RBFOX1: variants seen among roughly 807,000 people sequenced by gnomAD.
RBFOX1 encodes the protein RNA binding fox-1 homolog 1.
In RBFOX1, 8 loss-of-function variants were observed where a neutral mutation model predicts 57.7. That is an observed-to-expected ratio of 0.14 (90% confidence interval 0.08 to 0.25). RBFOX1 has a LOEUF of 0.25. RBFOX1 is among the 10% of genes least tolerant of loss of function. The pLI, the probability that RBFOX1 is intolerant of heterozygous loss-of-function variation, is 1.00. For synonymous variants in RBFOX1, 326 were observed against 222.4 expected (o/e 1.47, Z -4.15); for missense variants, 611 against 548.5 (o/e 1.11, Z -1.14).
Position 6,541,077 on chromosome 16 carries a change from C to G in RBFOX1, c.-63-113526C>G, listed in dbSNP as rs189135951. ...TGCTACTTTTAGAGATGGAAAAGCT[C>G]TAAGATATTTCCAAGTAAAAGAAAC... On this transcript the variant is annotated intron_variant, in intron 2 of 15. Coordinates refer to ENST00000550418, the MANE Select transcript of RBFOX1 (RefSeq NM_018723.4). Among the ~76,000 whole-genome samples the G allele has an allele frequency of 1.4e-3, 206 of 152,234 alleles. 2 individuals are homozygous for G. Among genetic ancestry groups the G allele is most frequent in the Admixed American group, 0.013 (204 of 15,286 alleles).
chr16:5,319,050 C>A (rs950690919), intron 1 of RBFOX1, among the ~76,000 whole-genome samples: 1 of 152,190 alleles, frequency 6.6e-6, no homozygotes, highest in Non-Finnish European at 1.5e-5. Flanking sequence ...TTGCTTGAAC[C>A]TGGCAGGTGG....
intron 4 of RBFOX1, among the ~76,000 whole-genome samples, chr16:7,359,615 C>T (rs73549018): frequency 0.035 from 5,312 of 152,246 alleles, 206 homozygotes; most frequent in African/African-American, 0.095. Context: ...GTTTGCTTCC[C>T]CTGTCCACAA....
At chr16:6,736,790 G>A (rs1234256467) in intron 3 of RBFOX1, among the ~76,000 whole-genome samples, 1 of 152,182 alleles carries the variant, frequency 6.6e-6, no homozygotes, top group African/African-American at 2.4e-5. Context: ...TGGTGGTTCT[G>A]ACCATGTATG....
intron 4 of RBFOX1, among the ~76,000 whole-genome samples, chr16:5,874,883 C>T (rs1460910679): frequency 6.6e-6 from 1 of 152,120 alleles, no homozygotes; most frequent in African/African-American, 2.4e-5. Flanking sequence ...GAGTTTGAGG[C>T]TGCAGTGAGC....
At chr16:6,134,262 AC>A (rs1415692481) in intron 1 of RBFOX1, among the ~76,000 whole-genome samples, 1 of 151,924 alleles carries the variant, frequency 6.6e-6, no homozygotes, top group Non-Finnish European at 1.5e-5. Flanking sequence ...AGTATTCAGC[AC>A]CCCTTGTTTG....
intron 1 of RBFOX1, among the ~76,000 whole-genome samples, chr16:5,431,842 C>G (rs1344198051): frequency 6.6e-6 from 1 of 152,154 alleles, no homozygotes; most frequent in African/African-American, 2.4e-5. Flanking sequence ...CCCTAACATC[C>G]AAAATCGTCC....
intron 4 of RBFOX1, among the ~76,000 whole-genome samples, chr16:7,094,818 G>A (rs547644303): frequency 2.1e-5 from 3 of 143,448 alleles, no homozygotes; most frequent in Non-Finnish European, 4.6e-5. Context: ...TGAGACAGAG[G>A]GTAAGAGAAT....
chr16:7,692,899 GATATT>G (rs1352697078), intron 14 of RBFOX1, among the ~76,000 whole-genome samples: 5 of 138,276 alleles, frequency 3.6e-5, no homozygotes, highest in Non-Finnish European at 6.4e-5. Flanking sequence ...ATTTTTTTTT[GATATT>G]ATAAGTCTAG....
chr16:6,912,858 G>A (rs1174063829), intron 3 of RBFOX1, among the ~76,000 whole-genome samples: 5 of 151,926 alleles, frequency 3.3e-5, no homozygotes, highest in African/African-American at 9.7e-5. Context: ...GAGCTCAAGT[G>A]ATCCTCTTGC....
chr16:7,690,517 A>G (rs1455804604), intron 14 of RBFOX1, among the ~76,000 whole-genome samples: 1 of 152,088 alleles, frequency 6.6e-6, no homozygotes, highest in Non-Finnish European at 1.5e-5. Context: ...TTTGTGGAAA[A>G]TCAGGTGCAT....
At chr16:6,962,739 G>A (rs1351128007) in intron 3 of RBFOX1, among the ~76,000 whole-genome samples, 2 of 152,092 alleles carry the variant, frequency 1.3e-5, no homozygotes, top group Admixed American at 1.3e-4. Flanking sequence ...TAGCATGTGT[G>A]TGTAGCCCCA....
At chr16:7,123,662 G>A (rs1203702642) in intron 4 of RBFOX1, among the ~76,000 whole-genome samples, 1 of 152,032 alleles carries the variant, frequency 6.6e-6, no homozygotes, top group Non-Finnish European at 1.5e-5. Flanking sequence ...ACCCCACCTG[G>A]CAAAAATTAT....
intron 3 of RBFOX1, among the ~76,000 whole-genome samples, chr16:6,848,936 C>G (rs964888079): frequency 2.0e-5 from 3 of 152,136 alleles, no homozygotes; most frequent in African/African-American, 4.8e-5. Context: ...ATGTCTCACC[C>G]TGGGTAATTC....
intron 2 of RBFOX1, among the ~76,000 whole-genome samples, chr16:6,388,331 A>G (rs1222426454): frequency 6.6e-6 from 1 of 152,058 alleles, no homozygotes; most frequent in Non-Finnish European, 1.5e-5. Flanking sequence ...GTTTGCAGCC[A>G]TTTTGGCACC....
chr16:5,478,555 C>G (rs1030198319), intron 2 of RBFOX1, among the ~76,000 whole-genome samples: 1 of 152,118 alleles, frequency 6.6e-6, no homozygotes, highest in Non-Finnish European at 1.5e-5. Flanking sequence ...TTCTCATTGG[C>G]CTTATGAATG....
intron 3 of RBFOX1, among the ~76,000 whole-genome samples, chr16:6,808,081 A>T (rs976402577): frequency 6.6e-6 from 1 of 150,670 alleles, no homozygotes; most frequent in Admixed American, 6.7e-5. Flanking sequence ...ATATATAATC[A>T]TACTCAATAG....
At chr16:6,330,185 G>A (rs2082845664) in intron 2 of RBFOX1, among the ~76,000 whole-genome samples, 1 of 152,066 alleles carries the variant, frequency 6.6e-6, no homozygotes, top group African/African-American at 2.4e-5. Flanking sequence ...ATAAGGATAG[G>A]GAAGTAAAGG....
intron 1 of RBFOX1, among the ~76,000 whole-genome samples, chr16:6,086,286 G>T (rs1010030978): frequency 6.6e-6 from 1 of 152,178 alleles, no homozygotes; most frequent in African/African-American, 2.4e-5. Context: ...TCATTTGCAT[G>T]CTAAGTGCTT....
chr16:5,448,575 A>C (rs917450), intron 1 of RBFOX1, among the ~76,000 whole-genome samples: 1 of 151,922 alleles, frequency 6.6e-6, no homozygotes, highest in South Asian at 2.1e-4. Context: ...TGGGGTGAAG[A>C]CCCCATGGAA....
Sources: allele counts gnomAD v4.1 joint callset (sites outside exome capture counted in the v4.1 genomes callset), GRCh38; gene constraint gnomAD v4.1.1; transcripts MANE v1.5; gene names NCBI Gene and HGNC (gene_info 2026-07-23, HGNC 2026-07-21).